Variants in CDH13 observed in about 807,000 individuals in gnomAD.
The protein encoded by CDH13 is cadherin-13.
A neutral mutation model predicts 63.8 loss-of-function variants in CDH13; 24 were observed. The ratio of observed to expected loss-of-function variants is 0.38; its 90% CI spans 0.27 to 0.53. The LOEUF (loss-of-function observed/expected upper bound fraction) is 0.53, where lower values mean the gene tolerates loss of function less well. CDH13 is among the 20% of genes least tolerant of loss of function. The pLI, the probability that CDH13 is intolerant of heterozygous loss-of-function variation, is 0.85. For missense variants in CDH13, 1,049 were observed against 903.1 expected, an observed-to-expected ratio of 1.16 and a Z score of -2.07; for synonymous variants, 503 against 355.3, an observed-to-expected ratio of 1.42 and a Z score of -4.67.
At chr16:83,662,870 A>G (rs574526922) in intron 8 of CDH13, among the ~76,000 whole-genome samples, 1 of 152,316 alleles carries the variant, frequency 6.6e-6, no homozygotes, top group Admixed American at 6.5e-5. Flanking sequence ...ACAGACAAGA[A>G]CACAGGGAAC....
chr16:83,423,142 A>G (rs1269579137), intron 6 of CDH13, among the ~76,000 whole-genome samples: 1 of 152,170 alleles, frequency 6.6e-6, no homozygotes, highest in Non-Finnish European at 1.5e-5. Context: ...CCCTGTATGT[A>G]GAAATAACCA....
At chr16:83,728,344 T>C (rs992933583) in intron 10 of CDH13, among the ~76,000 whole-genome samples, 1 of 148,364 alleles carries the variant, frequency 6.7e-6, no homozygotes, top group East Asian at 1.9e-4. Flanking sequence ...TGTGTGTGCG[T>C]GTGTGTGTGT....
chr16:83,612,900 A>T (rs1278391356), intron 8 of CDH13, among the ~76,000 whole-genome samples: 2 of 152,020 alleles, frequency 1.3e-5, no homozygotes, highest in Non-Finnish European at 2.9e-5. Context: ...ATTATTATTT[A>T]TTTATCCCTG....
chr16:83,328,467 C>T (rs1477829470), intron 5 of CDH13, among the ~76,000 whole-genome samples: 4 of 152,150 alleles, frequency 2.6e-5, no homozygotes, highest in Non-Finnish European at 5.9e-5. Flanking sequence ...AGACAATTGA[C>T]ATAGGATGAT....
intron 1 of CDH13, among the ~76,000 whole-genome samples, chr16:82,706,332 G>A (rs567007155): frequency 1.3e-5 from 2 of 152,292 alleles, no homozygotes; most frequent in East Asian, 1.9e-4. Flanking sequence ...AATGGCCAGC[G>A]AGTATTTGGA....
chr16:83,050,445 C>T (rs909885749), intron 3 of CDH13, among the ~76,000 whole-genome samples: 1 of 152,126 alleles, frequency 6.6e-6, no homozygotes, highest in African/African-American at 2.4e-5. Context: ...CTTCCGTTTG[C>T]TGTTTAAGAC....
intron 3 of CDH13, among the ~76,000 whole-genome samples, chr16:83,051,221 G>A (rs1053360655): frequency 6.6e-6 from 1 of 152,092 alleles, no homozygotes; most frequent in Admixed American, 6.6e-5. Context: ...GTCACTTTCA[G>A]CCCTCACAAT....
chr16:83,269,268 ACTC>A (rs752956235), intron 5 of CDH13, among the ~76,000 whole-genome samples: 1 of 151,992 alleles, frequency 6.6e-6, no homozygotes, highest in Non-Finnish European at 1.5e-5. Flanking sequence ...CCTCCCCAGA[ACTC>A]CTGGAGAGAC....
chr16:82,821,039 T>C (rs892871536), intron 1 of CDH13, among the ~76,000 whole-genome samples: 1 of 152,142 alleles, frequency 6.6e-6, no homozygotes, highest in Non-Finnish European at 1.5e-5. Context: ...ATGATCATTA[T>C]TGGAAAGCTG....
intron 11 of CDH13, among the ~76,000 whole-genome samples, chr16:83,775,205 A>G (rs933247694): frequency 6.6e-6 from 1 of 151,824 alleles, no homozygotes; most frequent in African/African-American, 2.4e-5. Context: ...CACCATACCT[A>G]CAATGAATTG....
chr16:83,684,362 C>T (rs1030620195), intron 10 of CDH13, among the ~76,000 whole-genome samples: 13 of 151,758 alleles, frequency 8.6e-5, no homozygotes, highest in African/African-American at 2.7e-4. Context: ...AGCAATAAAG[C>T]GTGACTCCAT....
chr16:83,534,964 A>G (rs999840778), intron 7 of CDH13, among the ~76,000 whole-genome samples: 4 of 152,252 alleles, frequency 2.6e-5, no homozygotes, highest in Non-Finnish European at 5.9e-5. Flanking sequence ...GAAGAAAGCA[A>G]CAGCTCAGCT....
intron 4 of CDH13, among the ~76,000 whole-genome samples, chr16:83,212,176 G>C (rs912013142): frequency 6.6e-6 from 1 of 152,144 alleles, no homozygotes; most frequent in Admixed American, 6.6e-5. Flanking sequence ...AATCAAGGTG[G>C]TCTGGAAACA....
intron 1 of CDH13, among the ~76,000 whole-genome samples, chr16:82,853,302 C>T (rs979055492): frequency 2.0e-5 from 3 of 152,150 alleles, no homozygotes; most frequent in Non-Finnish European, 4.4e-5. Flanking sequence ...ATTCACTGAA[C>T]AGTTTTTTAG....
At chr16:83,346,771 T>G (rs924675398) in intron 6 of CDH13, among the ~76,000 whole-genome samples, 1 of 152,230 alleles carries the variant, frequency 6.6e-6, no homozygotes, top group African/African-American at 2.4e-5. Flanking sequence ...GCACATGTTA[T>G]TTTGTGTATT....
At chr16:83,534,200 A>G (rs1291530813) in intron 7 of CDH13, among the ~76,000 whole-genome samples, 2 of 152,168 alleles carry the variant, frequency 1.3e-5, no homozygotes, top group African/African-American at 4.8e-5. Flanking sequence ...GATGCTCCAT[A>G]CAAATGAAAT....
intron 3 of CDH13, among the ~76,000 whole-genome samples, chr16:83,036,313 C>T (rs911341611): frequency 1.3e-5 from 2 of 152,108 alleles, no homozygotes; most frequent in East Asian, 1.9e-4. Context: ...CCACACCTGG[C>T]TACTTTTTGT....
chr16:83,472,487 T>C (rs1341817339), intron 6 of CDH13, among the ~76,000 whole-genome samples: 4 of 152,146 alleles, frequency 2.6e-5, no homozygotes, highest in African/African-American at 9.7e-5. Flanking sequence ...GGGAGCTGGC[T>C]TGTAGCAGAG....
At chr16:82,885,621 A>C (rs1375342532) in intron 2 of CDH13, among the ~76,000 whole-genome samples, 1 of 151,960 alleles carries the variant, frequency 6.6e-6, no homozygotes, top group African/African-American at 2.4e-5. Context: ...TCTTCTATCT[A>C]TCTGTATATT....
Sources: allele counts gnomAD v4.1 joint callset (sites outside exome capture counted in the v4.1 genomes callset), GRCh38; gene constraint gnomAD v4.1.1; transcripts MANE v1.5; gene names NCBI Gene and HGNC (gene_info 2026-07-23, HGNC 2026-07-21).